The following XKR4 variants were observed in gnomAD, a reference collection of about 807,000 sequenced individuals.
XKR4 encodes the protein XK related 4, also known as XK-related protein 4.
XKR4 carries 12 observed loss-of-function variants against 53.9 expected under a neutral mutation model. That is an observed-to-expected ratio of 0.22 (90% confidence interval 0.14 to 0.36). The LOEUF is 0.36. XKR4 is among the 10% of genes least tolerant of loss of function. The pLI is 1.00. For synonymous variants in XKR4, 354 were observed against 362.4 expected (o/e 0.98, Z 0.26); for missense variants, 799 against 859.5 (o/e 0.93, Z 0.88).
At chr8:55,288,492 C>G (rs1818938712) in intron 1 of XKR4, among the ~76,000 whole-genome samples, 1 of 152,168 alleles carries the variant, frequency 6.6e-6, no homozygotes. Context: ...TTTTAATTCA[C>G]TTGTAAATGT....
rs554769084 is a variant in XKR4 at position 55,296,295 on chromosome 8, C to A, written c.807-61383C>A. Among the ~76,000 whole-genome samples the A allele has an allele frequency of 3.3e-5, 5 of 152,264 alleles. No homozygotes were observed. In the East Asian group the frequency reaches 9.7e-4, roughly 29 times the overall value. ...CATTCCCTGGTTTAGAAGTTAGTCA[C>A]ACAGCCACCCTCAGCTACTGCTAGT... On this transcript the variant is annotated intron_variant, in intron 1 of 2. Transcript: ENST00000327381.
chr8:55,330,320 CT>C (rs1443317359), intron 1 of XKR4, among the ~76,000 whole-genome samples: 1 of 152,150 alleles, frequency 6.6e-6, no homozygotes. Flanking sequence ...CTCACTAAGA[CT>C]CAGTTTCCTC....
At chr8:55,481,048 C>T (rs1380962469) in intron 2 of XKR4, among the ~76,000 whole-genome samples, 4 of 152,162 alleles carry the variant, frequency 2.6e-5, no homozygotes, top group African/African-American at 9.7e-5. Context: ...GAAAAAACTA[C>T]TTTCAAGTTC....
chr8:55,160,437 G>A (rs948654174), intron 1 of XKR4, among the ~76,000 whole-genome samples: 1 of 152,234 alleles, frequency 6.6e-6, no homozygotes, highest in Non-Finnish European at 1.5e-5. Flanking sequence ...AGAAGTAAAA[G>A]AGGCAGGGGT....
At chr8:55,159,443 G>A (rs747490573) in intron 1 of XKR4, among the ~76,000 whole-genome samples, 12 of 152,072 alleles carry the variant, frequency 7.9e-5, no homozygotes, top group African/African-American at 1.2e-4. Context: ...AAGGCAATAC[G>A]TGCTATAAAA....
At chr8:55,290,450 C>T (rs189324536) in intron 1 of XKR4, among the ~76,000 whole-genome samples, 2 of 152,094 alleles carry the variant, frequency 1.3e-5, no homozygotes, top group Non-Finnish European at 2.9e-5. Context: ...TTCTGGGATA[C>T]ATGTGCAGGA....
intron 1 of XKR4, among the ~76,000 whole-genome samples, chr8:55,348,727 G>GAA (rs1803687269): frequency 6.8e-6 from 1 of 146,080 alleles, no homozygotes; most frequent in African/African-American, 2.8e-5. Context: ...CACACAGAGA[G>GAA]AGAGATGATA....
intron 2 of XKR4, chr8:55,450,952 A>G: frequency 2.0e-6 from 1 of 498,288 alleles, no homozygotes; most frequent in Non-Finnish European, 3.8e-6. Context: ...CGCAGGAAGG[A>G]GACTAGGCTG....
intron 2 of XKR4, among the ~76,000 whole-genome samples, chr8:55,365,255 C>A (rs905284516): frequency 6.6e-6 from 1 of 152,234 alleles, no homozygotes; most frequent in African/African-American, 2.4e-5. Context: ...TCACGCACGA[C>A]GTTCACTAGG....
intron 2 of XKR4, among the ~76,000 whole-genome samples, chr8:55,506,706 C>G (rs1585611024): frequency 1.3e-5 from 2 of 152,260 alleles, no homozygotes; most frequent in Middle Eastern, 6.8e-3. Context: ...CCATTCTGCC[C>G]TCATTGTGTT....
chr8:55,306,455 G>A (rs953288707), intron 1 of XKR4, among the ~76,000 whole-genome samples: 11 of 152,190 alleles, frequency 7.2e-5, no homozygotes, highest in Non-Finnish European at 1.3e-4. Context: ...GACAATGTAC[G>A]AAAGAAAGAG....
At chr8:55,362,656 A>C (rs1052236811) in intron 2 of XKR4, among the ~76,000 whole-genome samples, 2 of 152,180 alleles carry the variant, frequency 1.3e-5, no homozygotes, top group African/African-American at 4.8e-5. Context: ...GAGTTACCCC[A>C]TCTGGACTTT....
At chr8:55,504,446 C>G (rs10090961) in intron 2 of XKR4, among the ~76,000 whole-genome samples, 3,545 of 151,728 alleles carry the variant, frequency 0.023, 153 homozygotes, top group African/African-American at 0.081. Flanking sequence ...AACTCCTGAT[C>G]TCAGGCAATC....
At chr8:55,320,232 A>G (rs1803185576) in intron 1 of XKR4, among the ~76,000 whole-genome samples, 1 of 152,228 alleles carries the variant, frequency 6.6e-6, no homozygotes, top group South Asian at 2.1e-4. Context: ...GGTTCAAACA[A>G]TGAGTACTTT....
intron 2 of XKR4, 37 bp downstream of exon 2, chr8:55,357,914 A>G (rs1277835272): frequency 5.7e-6 from 9 of 1,583,650 alleles, no homozygotes; most frequent in Non-Finnish European, 7.8e-6. Flanking sequence ...ATTTGGGGAA[A>G]GATTGACTGG....
intron 1 of XKR4, among the ~76,000 whole-genome samples, chr8:55,168,169 T>G (rs1320320026): frequency 2.0e-5 from 3 of 152,248 alleles, no homozygotes; most frequent in Admixed American, 6.5e-5. Flanking sequence ...TATTTATCAT[T>G]CACTCTCTGA....
At chr8:55,431,874 C>G (rs1452760310) in intron 2 of XKR4, among the ~76,000 whole-genome samples, 1 of 152,190 alleles carries the variant, frequency 6.6e-6, no homozygotes, top group East Asian at 1.9e-4. Flanking sequence ...ATTCTAGCAT[C>G]TGATTCTTTC....
chr8:55,475,305 C>A (rs957309211), intron 2 of XKR4, among the ~76,000 whole-genome samples: 2 of 152,094 alleles, frequency 1.3e-5, no homozygotes, highest in African/African-American at 4.8e-5. Flanking sequence ...CCAAATTACA[C>A]AACATACAGG....
intron 1 of XKR4, among the ~76,000 whole-genome samples, chr8:55,156,074 G>T (rs1816902686): frequency 6.6e-6 from 1 of 152,180 alleles, no homozygotes; most frequent in South Asian, 2.1e-4. Context: ...TGAGATACAA[G>T]AAACCGCTTC....
Sources: allele counts gnomAD v4.1 joint callset (sites outside exome capture counted in the v4.1 genomes callset), GRCh38; gene constraint gnomAD v4.1.1; transcripts MANE v1.5; gene names NCBI Gene and HGNC (gene_info 2026-07-23, HGNC 2026-07-21).